Variants in ZNF385D observed in about 807,000 individuals in gnomAD.
ZNF385D encodes the protein zinc finger protein 659.
A neutral mutation model predicts 35.8 loss-of-function variants in ZNF385D; 15 were observed. That is an observed-to-expected ratio of 0.42 (90% CI 0.28 to 0.64). The LOEUF (loss-of-function observed/expected upper bound fraction) is 0.64, where lower values mean the gene tolerates loss of function less well. Ranked by LOEUF, ZNF385D falls within the 30% of genes least tolerant of loss-of-function variation. The probability of loss-of-function intolerance (pLI) is 0.23; values close to 1 mark genes in which losing one functional copy is unlikely to be tolerated. For missense variants in ZNF385D, 474 were observed against 494.6 expected, an observed-to-expected ratio of 0.96 and a Z score of 0.39; for synonymous variants, 212 against 186.8, an observed-to-expected ratio of 1.13 and a Z score of -1.10.
intron 2 of ZNF385D, among the ~76,000 whole-genome samples, chr3:22,187,062 A>G (rs1695682806): frequency 6.6e-6 from 1 of 152,144 alleles, no homozygotes; most frequent in African/African-American, 2.4e-5. Context: ...TCAGGGCGTA[A>G]TGACATACCA....
At chr3:22,121,392 A>T (rs1020013301) in intron 3 of ZNF385D, among the ~76,000 whole-genome samples, 1 of 152,224 alleles carries the variant, frequency 6.6e-6, no homozygotes, top group East Asian at 1.9e-4. Context: ...CAGCATGCAT[A>T]ATCAGCAACA....
intron 4 of ZNF385D, among the ~76,000 whole-genome samples, chr3:21,445,362 C>T (rs572954832): frequency 9.9e-5 from 15 of 152,278 alleles, no homozygotes; most frequent in African/African-American, 3.4e-4. Flanking sequence ...GGTGGCTTGA[C>T]TTAAGCTCGC....
chr3:22,130,754 A>G (rs9879214), intron 3 of ZNF385D, among the ~76,000 whole-genome samples: 2,815 of 152,166 alleles, frequency 0.018, 35 homozygotes, highest in Non-Finnish European at 0.026. Context: ...TTTCCTTGAT[A>G]TGATGTTAGA....
chr3:21,614,106 C>T (rs373447925), intron 2 of ZNF385D, among the ~76,000 whole-genome samples: 4 of 152,134 alleles, frequency 2.6e-5, no homozygotes, highest in African/African-American at 9.7e-5. Context: ...GCTGCCATAA[C>T]AAAATACCAC....
intron 1 of ZNF385D, among the ~76,000 whole-genome samples, chr3:21,705,502 T>C (rs929363047): frequency 9.9e-5 from 15 of 152,246 alleles, no homozygotes; most frequent in Non-Finnish European, 2.2e-4. Context: ...TGAAAACTTA[T>C]TGATCTCAAT....
At chr3:22,048,378 G>A (rs552327603) in intron 3 of ZNF385D, among the ~76,000 whole-genome samples, 17 of 152,154 alleles carry the variant, frequency 1.1e-4, no homozygotes, top group Admixed American at 3.3e-4. Flanking sequence ...TATAGATCCA[G>A]GTCTTATATT....
intron 2 of ZNF385D, among the ~76,000 whole-genome samples, chr3:22,311,749 C>A (rs972771088): frequency 6.6e-6 from 1 of 152,038 alleles, no homozygotes; most frequent in Admixed American, 6.6e-5. Context: ...CCTATTACGA[C>A]ACAAATCTAG....
At chr3:21,663,956 A>C (rs559126361) in intron 2 of ZNF385D, among the ~76,000 whole-genome samples, 2 of 130,514 alleles carry the variant, frequency 1.5e-5, no homozygotes, top group East Asian at 4.4e-4. Flanking sequence ...AAGATATTGC[A>C]ACAAGAAAGC....
upstream of ZNF385D, among the ~76,000 whole-genome samples, chr3:21,752,025 C>CCACA (rs370679154): frequency 1.6e-5 from 2 of 126,918 alleles, no homozygotes; most frequent in Non-Finnish European, 3.3e-5. Flanking sequence ...CCCCCCCCCA[C>CCACA]CACACACACA....
At chr3:21,744,610 A>G (rs2125535228) in intron 1 of ZNF385D, among the ~76,000 whole-genome samples, 1 of 152,282 alleles carries the variant, frequency 6.6e-6, no homozygotes, top group Non-Finnish European at 1.5e-5. Flanking sequence ...TGAAAGCTGA[A>G]AACTGAAATT....
At chr3:22,299,225 G>T (rs1164242454) in intron 2 of ZNF385D, among the ~76,000 whole-genome samples, 1 of 151,754 alleles carries the variant, frequency 6.6e-6, no homozygotes, top group Non-Finnish European at 1.5e-5. Context: ...GTTCTTTTAA[G>T]ATTATAATTT....
chr3:22,099,709 T>C (rs1480042440), intron 3 of ZNF385D, among the ~76,000 whole-genome samples: 2 of 151,920 alleles, frequency 1.3e-5, no homozygotes, highest in Non-Finnish European at 2.9e-5. Flanking sequence ...ATGGCGGGGA[T>C]ACCAATAGAA....
intron 3 of ZNF385D, among the ~76,000 whole-genome samples, chr3:22,165,330 G>GA (rs557860026): frequency 1.3e-5 from 2 of 152,080 alleles, no homozygotes; most frequent in Non-Finnish European, 2.9e-5. Flanking sequence ...AGTCTATTAA[G>GA]AAAAAAAGCT....
intron 3 of ZNF385D, among the ~76,000 whole-genome samples, chr3:22,167,530 C>T (rs1415319299): frequency 6.6e-6 from 1 of 152,186 alleles, no homozygotes; most frequent in South Asian, 2.1e-4. Flanking sequence ...GACAAGGGCT[C>T]AGGACCCACC....
At chr3:21,597,292 G>A (rs180896257) in intron 2 of ZNF385D, among the ~76,000 whole-genome samples, 1 of 151,744 alleles carries the variant, frequency 6.6e-6, no homozygotes, top group Non-Finnish European at 1.5e-5. Flanking sequence ...ATACCACATT[G>A]GTATTTATTA....
intron 3 of ZNF385D, among the ~76,000 whole-genome samples, chr3:22,136,072 C>A (rs1704081222): frequency 6.6e-6 from 1 of 152,076 alleles, no homozygotes; most frequent in African/African-American, 2.4e-5. Flanking sequence ...GGATCTAAGA[C>A]ATGACAACAA....
intron 2 of ZNF385D, among the ~76,000 whole-genome samples, chr3:22,255,961 A>C (rs760606878): frequency 5.9e-5 from 9 of 151,518 alleles, no homozygotes; most frequent in Non-Finnish European, 1.3e-4. Context: ...GGAAAGGCCG[A>C]CTCACCCTTA....
intron 2 of ZNF385D, among the ~76,000 whole-genome samples, chr3:22,269,688 T>C (rs566322368): frequency 8.1e-4 from 123 of 152,014 alleles, no homozygotes; most frequent in African/African-American, 2.9e-3. Flanking sequence ...GGTCTTTAAA[T>C]ACAAAATATA....
intron 4 of ZNF385D, among the ~76,000 whole-genome samples, chr3:21,467,257 T>C (rs1703574207): frequency 6.6e-6 from 1 of 152,220 alleles, no homozygotes; most frequent in Non-Finnish European, 1.5e-5. Context: ...TTTCAAAATG[T>C]AAAAACCAAG....
Sources: gnomAD v4.1 joint callset for allele counts (sites outside exome capture counted in the v4.1 genomes callset) on GRCh38, gnomAD v4.1.1 for gene constraint, MANE v1.5 for transcripts, NCBI Gene and HGNC (gene_info 2026-07-23, HGNC 2026-07-21) for gene names.